ANKDD1A: variants seen among roughly 807,000 people sequenced by gnomAD.
The protein encoded by ANKDD1A is ankyrin repeat and death domain-containing protein 1A.
ANKDD1A carries 59 observed loss-of-function variants against 63.5 expected under a neutral mutation model. The observed-to-expected ratio is 0.93, with a 90% CI of 0.75 to 1.15. The LOEUF is 1.15. Ranked by LOEUF, ANKDD1A falls within the 50% of genes most tolerant of loss-of-function variation. The pLI, the probability that ANKDD1A is intolerant of heterozygous loss-of-function variation, is 0.00. For missense variants in ANKDD1A, 632 were observed against 656.4 expected, an observed-to-expected ratio of 0.96 and a Z score of 0.41; for synonymous variants, 266 against 263.9, an observed-to-expected ratio of 1.01 and a Z score of -0.08.
At chr15:64,917,163 A>G (rs2084973700) in intron 2 of ANKDD1A, among the ~76,000 whole-genome samples, 1 of 152,192 alleles carries the variant, frequency 6.6e-6, no homozygotes, top group African/African-American at 2.4e-5. Flanking sequence ...GAAGAGTTTT[A>G]GATGGGGACA....
At position 64,951,283 on chromosome 15, in the gene ANKDD1A, T is replaced by C; in HGVS notation, c.1483+1311T>C. On this transcript the variant is annotated intron_variant, in intron 14 of 14. Coordinates refer to ENST00000319580, the MANE Select transcript of ANKDD1A (RefSeq NM_182703.6). Reference sequence around the variant, plus strand: ...ACACTTTGTTTATTTCTTCTTCTTTTTCTTTTCTTCTTCTTCTTCTTCTCT... The same window carrying C: ...ACACTTTGTTTATTTCTTCTTCTTTCTCTTTTCTTCTTCTTCTTCTTCTCT... 4 of 904,158 alleles carry C rather than the reference T, an allele frequency of 4.4e-6. No individual in the cohort carries two copies. The South Asian group carries it at 2.2e-4, about 49-fold the overall frequency. The allele number at this position is 904,158 out of a possible 1,614,324, so 56.0% of individuals were successfully genotyped here.
chr15:64,935,974 T>C (rs967278837), intron 9 of ANKDD1A, among the ~76,000 whole-genome samples: 1 of 152,218 alleles, frequency 6.6e-6, no homozygotes, highest in Non-Finnish European at 1.5e-5. Flanking sequence ...GGCCTGGCTT[T>C]GTATGCTGGT....
Position 64,947,272 on chromosome 15 carries a change from T to G in ANKDD1A, c.1162-132T>G. 6 of 832,492 alleles carry G rather than the reference T, an allele frequency of 7.2e-6. No homozygotes were observed. In the South Asian group the frequency reaches 1.1e-4, roughly 15 times the overall value. 51.6% of individuals were successfully genotyped at this position (832,492 alleles called of 1,614,324 possible). ...ACCAGAAGAGAGGACATTAAGCCCC[T>G]GGCCCTTGCTGACTCCAGCTCCCAG... On this transcript the variant is annotated intron_variant, in intron 12 of 14. Transcript: ENST00000319580.
At chr15:64,932,928 G>T (rs1415489929) in intron 8 of ANKDD1A, among the ~76,000 whole-genome samples, 1 of 142,402 alleles carries the variant, frequency 7.0e-6, no homozygotes, top group Non-Finnish European at 1.5e-5. Context: ...CAGCCTGGGT[G>T]ACAGATTGAG....
In ANKDD1A at chr15:64,952,608, T is replaced by C. The variant is rs182955435; in HGVS notation, c.1483+2636T>C. Among the ~76,000 whole-genome samples, 8 of 112,860 alleles carry C rather than the reference T, an allele frequency of 7.1e-5. No individual in the cohort carries two copies. In the East Asian group the frequency reaches 1.6e-3, roughly 22 times the overall value. The allele number at this position is 112,860 out of a possible 152,430, so 74.0% of individuals were successfully genotyped here. The stretch of plus-strand genomic sequence containing the variant: ...TTCTTCTTCTTCCTTCGTCTTCTTC[T>C]TCCTCCTCTCCTTCTTCGTCTTTTC... On this transcript the variant is annotated intron_variant, in intron 14 of 14. Coordinates refer to ENST00000319580, the MANE Select transcript of ANKDD1A (RefSeq NM_182703.6).
chr15:64,927,135 T>C (rs2140369730), intron 6 of ANKDD1A, 136 bp downstream of exon 6: 1 of 868,720 alleles, frequency 1.2e-6, no homozygotes, highest in South Asian at 1.6e-5. Context: ...TGAGAGTGTA[T>C]TTAGTGTTCA....
intron 9 of ANKDD1A, among the ~76,000 whole-genome samples, chr15:64,939,422 G>T (rs939003859): frequency 6.6e-6 from 1 of 152,174 alleles, no homozygotes; most frequent in Non-Finnish European, 1.5e-5. Context: ...TTCAAGACCA[G>T]CCTGGGCAAC....
chr15:64,950,085 C>A (rs921297368), intron 14 of ANKDD1A, 113 bp downstream of exon 14: 4 of 1,525,872 alleles, frequency 2.6e-6, no homozygotes, highest in Non-Finnish European at 3.5e-6. Context: ...TGGCTCTAGG[C>A]CTTCCAGATT....
At chr15:64,938,463 C>T (rs1323019864) in intron 9 of ANKDD1A, among the ~76,000 whole-genome samples, 1 of 152,180 alleles carries the variant, frequency 6.6e-6, no homozygotes, top group African/African-American at 2.4e-5. Flanking sequence ...CAGTCTAATT[C>T]CGAGAACAAC....
Position 64,930,802 on chromosome 15 carries a change from A to G in ANKDD1A, c.571-20A>G. The G allele has an allele frequency of 6.2e-7, 1 of 1,607,308 alleles. No individual in the cohort carries two copies. Among genetic ancestry groups the G allele is most frequent in the African/African-American group, 1.3e-5 (1 of 75,024 alleles). On this transcript the variant is annotated intron_variant, in intron 6 of 14. Coordinates refer to ENST00000319580, the MANE Select transcript of ANKDD1A (RefSeq NM_182703.6). ...GGACTCTCTGGTCTGCTGGCCTCTC[A>G]GGAGCCCTTTTTCCTGCAGGAGGGG...
intron 6 of ANKDD1A, among the ~76,000 whole-genome samples, chr15:64,927,602 C>CTT (rs5813333): frequency 1.3e-3 from 166 of 130,606 alleles, no homozygotes; most frequent in South Asian, 7.6e-3. Flanking sequence ...AGCAAATTCC[C>CTT]TTTTTTTTTT....
chr15:64,931,408 C>A (rs995433827), intron 7 of ANKDD1A, 79 bp from the exon 8 acceptor site: 2 of 1,374,224 alleles, frequency 1.5e-6, no homozygotes, highest in Admixed American at 2.0e-5. Context: ...GCACAAGGGG[C>A]ATCCTCTCAC....
At chr15:64,934,062 GA>G in intron 8 of ANKDD1A, 73 bp from the exon 9 acceptor site, 1 of 1,257,000 alleles carries the variant, frequency 8.0e-7, no homozygotes. Context: ...ATGGAAAAAT[GA>G]ATCTCGAAGA....
At chr15:64,929,546 C>T (rs1330971217) in intron 6 of ANKDD1A, among the ~76,000 whole-genome samples, 5 of 152,194 alleles carry the variant, frequency 3.3e-5, no homozygotes, top group Admixed American at 3.3e-4. Flanking sequence ...ACGTTGCGCC[C>T]TCTGCCCTGC....
Position 64,948,721 on chromosome 15 carries a change from C to T in ANKDD1A, c.1352-1120C>T, listed in dbSNP as rs187515535. Among the ~76,000 whole-genome samples the T allele has an allele frequency of 2.7e-3, 403 of 151,888 alleles. 3 individuals carry two copies. Among genetic ancestry groups the T allele is most frequent in the African/African-American group, 9.4e-3 (389 of 41,416 alleles). ...GGGTCCTGTAATCCCAGCTGCTCGA[C>T]AGGCTGAGGTTTAAGAATCGCTTGA... On this transcript the variant is annotated intron_variant, in intron 13 of 14. Coordinates refer to ENST00000319580, the MANE Select transcript of ANKDD1A (RefSeq NM_182703.6).
chr15:64,954,019 CTCT>C lies in ANKDD1A; in HGVS notation c.1484-3079_1484-3077del, dbSNP rs1171973408. 8.3e-3 allele frequency among the ~76,000 whole-genome samples: 524 copies of C among 63,082 alleles called. 3 individuals are homozygous for C. Among genetic ancestry groups the C allele is most frequent in the African/African-American group, 0.025 (450 of 17,870 alleles). The allele number at this position is 63,082 out of a possible 152,430, so 41.4% of individuals were successfully genotyped here. On this transcript the variant is annotated intron_variant, in intron 14 of 14. Coordinates refer to ENST00000319580, the MANE Select transcript of ANKDD1A (RefSeq NM_182703.6). ...TCTTTCCTTTCTTCTTCCTTCTTTCCTCTTCTTTTCTTTCTTCTTCCTCTTCTT... is the reference window on the plus strand; with the variant it reads ...TCTTTCCTTTCTTCTTCCTTCTTTCCTCTTTTCTTTCTTCTTCCTCTTCTT...
chr15:64,916,028 G>C (rs1471834), intron 2 of ANKDD1A, 128 bp downstream of exon 2: 8 of 890,844 alleles, frequency 9.0e-6, no homozygotes, highest in African/African-American at 5.1e-5. Context: ...AGGGAGGCTC[G>C]GGCTCTGTCC....
Position 64,944,637 on chromosome 15 carries a change from G to T in ANKDD1A, c.1066-15G>T. ...TGTAGAAACTCTGGCTTCTCTTCTT[G>T]CCTCTTAATTGCAGCAGGGAAAAAC... On this transcript the variant is annotated splice_polypyrimidine_tract_variant and intron_variant, in intron 11 of 14. Coordinates refer to ENST00000319580, the MANE Select transcript of ANKDD1A (RefSeq NM_182703.6). 6.2e-7 allele frequency: 1 copy of T among 1,612,556 alleles called. No homozygotes were observed. Among genetic ancestry groups the T allele is most frequent in the East Asian group, 2.2e-5 (1 of 44,872 alleles).
At chr15:64,952,795 T>C (rs1301646216) in intron 14 of ANKDD1A, among the ~76,000 whole-genome samples, 1 of 145,918 alleles carries the variant, frequency 6.9e-6, no homozygotes. Flanking sequence ...CTCCTTCTTC[T>C]TTTCTTCTCC....
Sources: allele counts gnomAD v4.1 joint callset (sites outside exome capture counted in the v4.1 genomes callset), GRCh38; gene constraint gnomAD v4.1.1; transcripts MANE v1.5; gene names NCBI Gene and HGNC (gene_info 2026-07-23, HGNC 2026-07-21).